HPS6: variants seen among roughly 807,000 people sequenced by gnomAD.
HPS6 encodes HPS6 biogenesis of lysosomal organelles complex 2 subunit 3, also known as BLOC-2 complex member HPS6.
Under a neutral mutation model 53.6 loss-of-function variants are expected in HPS6, and 46 were observed. The observed-to-expected ratio is 0.86, with a 90% CI of 0.68 to 1.10. HPS6 has a LOEUF of 1.10. HPS6 is among the 50% of genes least tolerant of loss of function. The pLI is 0.00. For synonymous variants in HPS6, 535 were observed against 470.8 expected, an observed-to-expected ratio of 1.14 and a Z score of -1.77; for missense variants, 1,034 against 991.3, an observed-to-expected ratio of 1.04 and a Z score of -0.58.
rs981240913 is a variant in HPS6, at chr10:102,065,471, C to T, written c.-4C>T. ...GCCTGGGCGCGCTCCCGCGCAGCGG[C>T]GCCATGAAGCGCTCGGGGACTCTGC... is the stretch of plus-strand genomic sequence containing the variant. On this transcript the variant is annotated 5_prime_UTR_variant, in exon 1 of 1. Transcript: ENST00000299238. The T allele has an allele frequency of 6.4e-7, 1 of 1,553,500 alleles. No homozygotes were observed. The highest frequency in any genetic ancestry group is 1.4e-5 in the African/African-American group (1 of 71,026).
Position 102,066,236 on chromosome 10 carries a change from G to A in HPS6, c.762G>A (p.Leu254=). The A allele has an allele frequency of 1.9e-6, 3 of 1,613,948 alleles. No individual in the cohort carries two copies. In the African/African-American group the frequency reaches 4.0e-5, roughly 21 times the overall value. The change falls in exon 1 of 1, where the codon CTG becomes CTA. Residue 254 remains leucine, a synonymous_variant. Coordinates refer to ENST00000299238, the MANE Select transcript of HPS6 (RefSeq NM_024747.6). ...GRGDTWDFRT[L]LRGLPGLLSP... ...GGGACACATGGGACTTCCGGACCCT[G>A]CTCCGAGGCCTTCCTGGGTTGCTGT...
In HPS6 at chr10:102,067,875, T is replaced by C; in HGVS notation, c.*73T>C. 6.7e-7 allele frequency: 1 copy of C among 1,502,964 alleles called. No individual in the cohort carries two copies. Among genetic ancestry groups the C allele is most frequent in the Non-Finnish European group, 9.3e-7 (1 of 1,079,894 alleles). 93.1% of individuals were successfully genotyped at this position (1,502,964 alleles called of 1,614,324 possible). A position where few individuals can be genotyped will look rare whatever the true frequency, so the allele number is the denominator to read the frequency against. The stretch of plus-strand genomic sequence containing the variant: ...ACTGGAGGCTTGCTTGGACAGTTCC[T>C]CTGTGTCACTGACACAGGAAATCAT... On this transcript the variant is annotated 3_prime_UTR_variant, in exon 1 of 1. Transcript: ENST00000299238.
Position 102,065,850 on chromosome 10 carries a change from G to T in HPS6, c.376G>T (p.Ala126Ser), listed in dbSNP as rs1369200985. Residue 126 changes from alanine (A) to serine (S), a missense_variant, in exon 1 of 1, where the codon GCC (alanine) becomes TCC (serine). Physicochemically the swap from Ala to Ser is moderately conservative, Grantham distance 99. Coordinates refer to ENST00000299238, the MANE Select transcript of HPS6 (RefSeq NM_024747.6). Reference protein sequence around the residue: ...QSTELCPGGGARVVAVAALRG... With the variant: ...QSTELCPGGGSRVVAVAALRG... ...CACCGAGCTGTGTCCGGGCGGGGGAGCCCGCGTTGTGGCAGTGGCGGCGCT... is the reference window on the plus strand; with the variant it reads ...CACCGAGCTGTGTCCGGGCGGGGGATCCCGCGTTGTGGCAGTGGCGGCGCT... 4 of 1,521,164 alleles carry T rather than the reference G, an allele frequency of 2.6e-6. No homozygotes were observed. Among genetic ancestry groups the T allele is most frequent in the East Asian group, 2.5e-5 (1 of 40,772 alleles). 94.2% of individuals were successfully genotyped at this position (1,521,164 alleles called of 1,614,324 possible). A position where few individuals can be genotyped will look rare whatever the true frequency, so the allele number is the denominator to read the frequency against.
Position 102,067,363 on chromosome 10 carries a change from G to C in HPS6, c.1889G>C (p.Ser630Thr). Residue 630 changes from serine (S) to threonine (T), a missense_variant, in exon 1 of 1, where the codon AGT becomes ACT. Coordinates refer to ENST00000299238, the MANE Select transcript of HPS6 (RefSeq NM_024747.6). The part of the protein sequence containing the change: ...EALELELLLS[S>T]GRPKAVLQAV... Reference sequence around the variant, plus strand: ...CTGGAGCTAGAGCTGCTCTTGAGCAGTGGGCGGCCTAAAGCTGTGCTCCAA... The same window carrying C: ...CTGGAGCTAGAGCTGCTCTTGAGCACTGGGCGGCCTAAAGCTGTGCTCCAA... 1 of 1,613,032 alleles carries C rather than the reference G, an allele frequency of 6.2e-7. No homozygotes were observed. The highest frequency in any genetic ancestry group is 8.5e-7 in the Non-Finnish European group (1 of 1,179,990).
In HPS6 at chr10:102,066,096, A is replaced by G. The variant is rs1423375013; in HGVS notation, c.622A>G (p.Thr208Ala). The change falls in exon 1 of 1, where the codon ACC becomes GCC. Residue 208 changes from threonine (T) to alanine (A), a missense_variant. Transcript: ENST00000299238. ...RQLFLVPTAT[T>A]WPGVAHVLLI... ...ACTCTTCCTGGTGCCCACTGCCACC[A>G]CCTGGCCTGGCGTGGCCCACGTTCT... The G allele has an allele frequency of 5.0e-6, 8 of 1,613,238 alleles. No homozygotes were observed. The South Asian group carries it at 7.7e-5, about 15-fold the overall frequency.
Position 102,066,456 on chromosome 10 carries a change from C to T in HPS6, c.982C>T (p.Leu328=). The change falls in exon 1 of 1, where the codon CTG becomes TTG. Residue 328 remains leucine, a synonymous_variant. Transcript: ENST00000299238. ...GTFQGTLACV[L]GSTLELLDMG... The stretch of plus-strand genomic sequence containing the variant: ...ATTTCAGGGCACTCTGGCCTGTGTG[C>T]TGGGCTCCACATTGGAACTGCTGGA... 1.9e-6 allele frequency: 3 copies of T among 1,614,174 alleles called. No homozygotes were observed. The highest frequency in any genetic ancestry group is 8.5e-7 in the Non-Finnish European group (1 of 1,180,032).
chr10:102,066,020 C>G lies in HPS6; in HGVS notation c.546C>G (p.His182Gln). ...GEASTSLGRT[H>Q]VLLHHCPAFG... ...CTAGCACCAGCCTGGGCCGCACACA[C>G]GTCCTGCTGCACCACTGCCCTGCCT... The change falls in exon 1 of 1, where the codon CAC becomes CAG. Residue 182 changes from histidine (H) to glutamine (Q), a missense_variant. Transcript: ENST00000299238. The G allele has an allele frequency of 2.5e-6, 4 of 1,605,792 alleles. No individual in the cohort carries two copies. Among genetic ancestry groups the G allele is most frequent in the Non-Finnish European group, 3.4e-6 (4 of 1,179,944 alleles).
In HPS6 at chr10:102,065,582, C is replaced by A; in HGVS notation, c.108C>A (p.Gly36=). The part of the protein sequence containing the change: ...VAGDSAVRVR[G]SPDGRHLLLL... ...GGGACTCAGCGGTCCGAGTCCGTGG[C>A]AGTCCGGACGGCCGCCACTTGCTGC... is the stretch of plus-strand genomic sequence containing the variant. The change falls in exon 1 of 1, where the codon GGC becomes GGA. Residue 36 remains glycine (G), a synonymous_variant. Coordinates refer to ENST00000299238, the MANE Select transcript of HPS6 (RefSeq NM_024747.6). 1 of 1,544,574 alleles carries A rather than the reference C, an allele frequency of 6.5e-7. No individual in the cohort carries two copies. The highest frequency in any genetic ancestry group is 8.6e-7 in the Non-Finnish European group (1 of 1,157,694).
In HPS6 at chr10:102,067,537, TCC is replaced by T; in HGVS notation, c.2067_2068del (p.Leu690ProfsTer13). 1 of 1,613,388 alleles carries T rather than the reference TCC, an allele frequency of 6.2e-7. No individual in the cohort carries two copies. Among genetic ancestry groups the T allele is most frequent in the South Asian group, 1.1e-5 (1 of 91,058 alleles). On this transcript the variant is annotated frameshift_variant, in exon 1 of 1. Transcript: ENST00000299238. LOFTEE classifies it high-confidence loss of function. ...CAGCACCGCCGGCTTGATGCTCACC[TCC>T]CCCTCCTTTGCCGCCTGTGCCCACC... is the stretch of plus-strand genomic sequence containing the variant.
rs1211820587 is a variant in HPS6 at position 102,066,178 on chromosome 10, T to C, written c.704T>C (p.Leu235Pro). The change falls in exon 1 of 1, where the codon CTC (leucine) becomes CCC (proline). Residue 235 changes from leucine (L) to proline (P), a missense_variant. Physicochemically the swap from Leu to Pro is moderately conservative, Grantham distance 98. Transcript: ENST00000299238. ...ATGGTGGCTGCCCCACGGCTTGGTC[T>C]CTCCTACAGTAAGAGTCTGAATCCT... ...KVMVAAPRLG[L>P]SYSKSLNPGR... 6.2e-7 allele frequency: 1 copy of C among 1,613,726 alleles called. No homozygotes were observed. Among genetic ancestry groups the C allele is most frequent in the Admixed American group, 1.7e-5 (1 of 60,020 alleles).
rs1412405724 is a variant in HPS6, at chr10:102,066,033, C to CA, written c.560dup (p.His187GlnfsTer53). ...GGGCCGCACACACGTCCTGCTGCACCACTGCCCTGCCTTCGGGCTGCTGGC... is the reference window on the plus strand; with the variant it reads ...GGGCCGCACACACGTCCTGCTGCACCAACTGCCCTGCCTTCGGGCTGCTGGC... On this transcript the variant is annotated frameshift_variant, in exon 1 of 1. Coordinates refer to ENST00000299238, the MANE Select transcript of HPS6 (RefSeq NM_024747.6). LOFTEE classifies it high-confidence loss of function. The CA allele has an allele frequency of 4.4e-6, 7 of 1,607,836 alleles. No individual in the cohort carries two copies.
In HPS6 at chr10:102,066,098, C is replaced by A. The variant is rs377464720; in HGVS notation, c.624C>A (p.Thr208=). 4 of 1,613,314 alleles carry A rather than the reference C, an allele frequency of 2.5e-6. No homozygotes were observed. In the African/African-American group the frequency reaches 5.3e-5, roughly 22 times the overall value. ...TCTTCCTGGTGCCCACTGCCACCAC[C>A]TGGCCTGGCGTGGCCCACGTTCTAC... ...RQLFLVPTAT[T]WPGVAHVLLI... The change falls in exon 1 of 1, where the codon ACC becomes ACA. Residue 208 remains threonine, a synonymous_variant. Coordinates refer to ENST00000299238, the MANE Select transcript of HPS6 (RefSeq NM_024747.6).
rs1174796033 is a variant in HPS6, at chr10:102,067,288, A to G, written c.1814A>G (p.Tyr605Cys). The G allele has an allele frequency of 6.2e-7, 1 of 1,613,068 alleles. No homozygotes were observed. The highest frequency in any genetic ancestry group is 2.2e-5 in the East Asian group (1 of 44,890). ...WGAGGPGLPL[Y>C]RRALAVLGEE... The stretch of plus-strand genomic sequence containing the variant: ...GCAGGGGGCCCAGGACTGCCCCTGT[A>G]TCGCCGAGCTCTGGCAGTGCTAGGT... The change falls in exon 1 of 1, where the codon TAT becomes TGT. Residue 605 changes from tyrosine to cysteine, a missense_variant. Physicochemically the swap from Tyr to Cys is radical, Grantham distance 194. Transcript: ENST00000299238.
In HPS6 at chr10:102,065,781, G is replaced by T. The variant is rs1164985492; in HGVS notation, c.307G>T (p.Val103Leu). ...GGTGTGGGAGAGTGGCCTGGCCGAGGTGTGGGGCGCGGGCGTGGGGCCTGG... is the reference window on the plus strand; with the variant it reads ...GGTGTGGGAGAGTGGCCTGGCCGAGTTGTGGGGCGCGGGCGTGGGGCCTGG... ...VLVWESGLAE[V>L]WGAGVGPGWR... Residue 103 changes from valine to leucine, a missense_variant, in exon 1 of 1, where the codon GTG becomes TTG. Transcript: ENST00000299238. 6 of 1,496,430 alleles carry T rather than the reference G, an allele frequency of 4.0e-6. No individual in the cohort carries two copies. The African/African-American group carries it at 7.3e-5, about 18-fold the overall frequency. The allele number at this position is 1,496,430 out of a possible 1,614,324, so 92.7% of individuals were successfully genotyped here.
rs762224357 is a variant in HPS6 at position 102,067,723 on chromosome 10, C to T, written c.2249C>T (p.Ser750Leu). ...CAGACTGGGGCTCAAGGATGGCTGTCGGGCCCAGTTCTAAGCCCATATGAG... is the reference window on the plus strand; with the variant it reads ...CAGACTGGGGCTCAAGGATGGCTGTTGGGCCCAGTTCTAAGCCCATATGAG... Reference protein sequence around the residue: ...LEQTGAQGWLSGPVLSPYEDI... With the variant: ...LEQTGAQGWLLGPVLSPYEDI... Residue 750 changes from serine (S) to leucine (L), a missense_variant, in exon 1 of 1, where the codon TCG (serine) becomes TTG (leucine). Physicochemically the swap from Ser to Leu is moderately radical, Grantham distance 145 (BLOSUM62 -2). Coordinates refer to ENST00000299238, the MANE Select transcript of HPS6 (RefSeq NM_024747.6). 3.9e-5 allele frequency: 63 copies of T among 1,613,286 alleles called. No individual in the cohort carries two copies. Among genetic ancestry groups the T allele is most frequent in the East Asian group, 1.8e-4 (8 of 44,894 alleles).
Position 102,067,699 on chromosome 10 carries a change from A to G in HPS6, c.2225A>G (p.Gln742Arg), listed in dbSNP as rs1385640157. ...GGCTTGCTCAAAGCCCTGCTGGAGC[A>G]GACTGGGGCTCAAGGATGGCTGTCG... is the stretch of plus-strand genomic sequence containing the variant. ...TVGLLKALLE[Q>R]TGAQGWLSGP... Residue 742 changes from glutamine to arginine, a missense_variant, in exon 1 of 1, where the codon CAG (glutamine) becomes CGG (arginine). Transcript: ENST00000299238. The G allele has an allele frequency of 1.2e-6, 2 of 1,613,794 alleles. No homozygotes were observed. Among genetic ancestry groups the G allele is most frequent in the Non-Finnish European group, 1.7e-6 (2 of 1,180,016 alleles).
rs781216662 is a variant in HPS6 at position 102,066,743 on chromosome 10, A to G, written c.1269A>G (p.Pro423=). Reference sequence around the variant, plus strand: ...GCCTGCGGGGTGCCCAGCTCACTCCAGAAGAACTGAGACACAGCAGCACAT... The same window carrying G: ...GCCTGCGGGGTGCCCAGCTCACTCCGGAAGAACTGAGACACAGCAGCACAT... ...RRSLRGAQLT[P]EELRHSSTFR... The change falls in exon 1 of 1, where the codon CCA becomes CCG. Residue 423 remains proline, a synonymous_variant. Transcript: ENST00000299238. 3.7e-6 allele frequency: 6 copies of G among 1,614,056 alleles called. No homozygotes were observed. Among genetic ancestry groups the G allele is most frequent in the Non-Finnish European group, 5.1e-6 (6 of 1,179,980 alleles).
chr10:102,067,121 G>A lies in HPS6; in HGVS notation c.1647G>A (p.Gly549=). 6.2e-7 allele frequency: 1 copy of A among 1,614,090 alleles called. No homozygotes were observed. Among genetic ancestry groups the A allele is most frequent in the African/African-American group, 1.3e-5 (1 of 75,054 alleles). ...CTGATGTGTGGAAGAAAGTGTTAGG[G>A]GGAATAACCGCTGGAAAGGAACCCC... The part of the protein sequence containing the change: ...APPDVWKKVL[G]GITAGKEPPN... Residue 549 remains glycine (G), a synonymous_variant, in exon 1 of 1, where the codon GGG becomes GGA. Coordinates refer to ENST00000299238, the MANE Select transcript of HPS6 (RefSeq NM_024747.6).
rs1372809098 is a variant in HPS6, at chr10:102,066,105, G to A, written c.631G>A (p.Gly211Ser). 1 of 1,613,524 alleles carries A rather than the reference G, an allele frequency of 6.2e-7. No individual in the cohort carries two copies. The highest frequency in any genetic ancestry group is 1.7e-5 in the Admixed American group (1 of 60,032). Residue 211 changes from glycine (G) to serine (S), a missense_variant, in exon 1 of 1, where the codon GGC becomes AGC. Physicochemically the swap from Gly to Ser is moderately conservative, Grantham distance 56 (BLOSUM62 0). Coordinates refer to ENST00000299238, the MANE Select transcript of HPS6 (RefSeq NM_024747.6). ...FLVPTATTWPGVAHVLLIWSP... is the reference protein window; with the variant it reads ...FLVPTATTWPSVAHVLLIWSP... ...GGTGCCCACTGCCACCACCTGGCCTGGCGTGGCCCACGTTCTACTCATCTG... is the reference window on the plus strand; with the variant it reads ...GGTGCCCACTGCCACCACCTGGCCTAGCGTGGCCCACGTTCTACTCATCTG...
Sources: gnomAD v4.1 joint callset for allele counts on GRCh38, gnomAD v4.1.1 for gene constraint, MANE v1.5 for transcripts, NCBI Gene and HGNC (gene_info 2026-07-23, HGNC 2026-07-21) for gene names.